The following ASH1L variants were observed in gnomAD, a reference collection of about 807,000 sequenced individuals.
ASH1L encodes histone-lysine N-methyltransferase ASH1L.
ASH1L carries 23 observed loss-of-function variants against 269.0 expected under a neutral mutation model. The observed-to-expected ratio is 0.09, with a 90% CI of 0.06 to 0.12. The LOEUF (loss-of-function observed/expected upper bound fraction) is 0.12, where lower values mean the gene tolerates loss of function less well. Among genes scored for constraint, ASH1L ranks in the 10% least tolerant of loss-of-function variants. ASH1L has a pLI of 1.00. For missense variants in ASH1L, 2,912 were observed against 3,567.8 expected, an observed-to-expected ratio of 0.82 and a Z score of 4.68; for synonymous variants, 1,187 against 1,253.5, an observed-to-expected ratio of 0.95 and a Z score of 1.12.
intron 2 of ASH1L, among the ~76,000 whole-genome samples, chr1:155,483,835 T>C (rs1376231053): frequency 1.3e-5 from 2 of 150,756 alleles, no homozygotes; most frequent in Non-Finnish European, 3.0e-5. Context: ...GTAGGAGGAG[T>C]AGGAAGAGAT....
chr1:155,398,176 C>T (rs564163270), intron 6 of ASH1L, among the ~76,000 whole-genome samples: 7 of 152,222 alleles, frequency 4.6e-5, no homozygotes, highest in South Asian at 2.1e-4. Flanking sequence ...CTCACTCAAA[C>T]GCAGATATAT....
chr1:155,395,426 C>T, intron 7 of ASH1L, 33 bp downstream of exon 7: 1 of 1,468,432 alleles, frequency 6.8e-7, no homozygotes, highest in African/African-American at 1.4e-5. Context: ...ACTGTTTCTT[C>T]TCAGCAATAC....
chr1:155,514,740 G>T (rs1571033130), intron 2 of ASH1L, among the ~76,000 whole-genome samples: 1 of 152,068 alleles, frequency 6.6e-6, no homozygotes, highest in African/African-American at 2.4e-5. Flanking sequence ...TGCAAAGGAG[G>T]TAAGAGCCTT....
intron 3 of ASH1L, among the ~76,000 whole-genome samples, chr1:155,468,097 T>C (rs926225480): frequency 1.3e-5 from 2 of 152,168 alleles, no homozygotes; most frequent in East Asian, 1.9e-4. Flanking sequence ...GGATATCACA[T>C]TGTATTTAGT....
At chr1:155,447,449 C>G (rs1327127559) in intron 4 of ASH1L, among the ~76,000 whole-genome samples, 11 of 152,048 alleles carry the variant, frequency 7.2e-5, no homozygotes, top group Admixed American at 6.6e-4. Context: ...AGGCTGGTCT[C>G]GAACTCCTGA....
At chr1:155,413,619 A>C (rs920674098) in intron 6 of ASH1L, among the ~76,000 whole-genome samples, 2 of 152,076 alleles carry the variant, frequency 1.3e-5, no homozygotes, top group Non-Finnish European at 2.9e-5. Flanking sequence ...ACAAACAAAC[A>C]AACCAGAAAA....
intron 3 of ASH1L, 71 bp downstream of exon 3, chr1:155,477,815 C>G: frequency 7.0e-7 from 1 of 1,430,874 alleles, no homozygotes; most frequent in Non-Finnish European, 9.3e-7. Flanking sequence ...AGTTCATCTA[C>G]ATTTATCAGG....
chr1:155,552,353 C>T (rs936693554), intron 1 of ASH1L, among the ~76,000 whole-genome samples: 10 of 152,012 alleles, frequency 6.6e-5, no homozygotes, highest in Non-Finnish European at 1.5e-4. Flanking sequence ...GTAATTCCAG[C>T]TACTCGGGAG....
chr1:155,549,624 CAAA>C (rs1043659273), intron 1 of ASH1L, among the ~76,000 whole-genome samples: 3 of 60,448 alleles, frequency 5.0e-5, no homozygotes, highest in Non-Finnish European at 3.7e-5. Context: ...GACTCAGTCT[CAAA>C]AAAAAAAAAA....
At chr1:155,489,192 T>C (rs1196267359) in intron 2 of ASH1L, among the ~76,000 whole-genome samples, 1 of 152,014 alleles carries the variant, frequency 6.6e-6, no homozygotes, top group African/African-American at 2.4e-5. Flanking sequence ...ATAAATAATA[T>C]GTGGGCGCGG....
chr1:155,537,474 G>C (rs1670134275), intron 1 of ASH1L, among the ~76,000 whole-genome samples: 1 of 152,104 alleles, frequency 6.6e-6, no homozygotes, highest in South Asian at 2.1e-4. Context: ...TGGGCAAACA[G>C]GCTTCGAAAC....
At chr1:155,527,044 CA>C (rs1347723615) in intron 1 of ASH1L, among the ~76,000 whole-genome samples, 3 of 151,964 alleles carry the variant, frequency 2.0e-5, no homozygotes, top group Non-Finnish European at 4.4e-5. Context: ...CCATCTCTAC[CA>C]AAAATATAAG....
intron 1 of ASH1L, among the ~76,000 whole-genome samples, chr1:155,553,516 T>A (rs997099801): frequency 3.9e-5 from 6 of 152,188 alleles, no homozygotes; most frequent in South Asian, 2.1e-4. Flanking sequence ...CAAATTACAG[T>A]GCACTCATCC....
chr1:155,552,290 A>T (rs1459662401), intron 1 of ASH1L, among the ~76,000 whole-genome samples: 1 of 151,704 alleles, frequency 6.6e-6, no homozygotes, highest in Non-Finnish European at 1.5e-5. Flanking sequence ...ACATGGTGAA[A>T]CCCCGTCTCT....
intron 3 of ASH1L, among the ~76,000 whole-genome samples, chr1:155,462,190 T>C (rs1426503281): frequency 6.6e-6 from 1 of 152,190 alleles, no homozygotes; most frequent in East Asian, 1.9e-4. Context: ...CTATGCTAGA[T>C]ATTGTGAAGG....
intron 11 of ASH1L, 46 bp downstream of exon 11, chr1:155,370,730 TC>T: frequency 6.2e-7 from 1 of 1,613,302 alleles, no homozygotes. Flanking sequence ...TCCATTCTAA[TC>T]TTATACCTTG....
intron 16 of ASH1L, among the ~76,000 whole-genome samples, chr1:155,353,715 C>T (rs1036780660): frequency 1.3e-5 from 2 of 151,998 alleles, no homozygotes; most frequent in Non-Finnish European, 2.9e-5. Context: ...GATAATGACC[C>T]GTCCCCCACT....
intron 13 of ASH1L, among the ~76,000 whole-genome samples, chr1:155,359,871 G>A (rs897878557): frequency 1.3e-5 from 2 of 151,316 alleles, no homozygotes; most frequent in South Asian, 4.2e-4. Context: ...AAGCCATTGC[G>A]CCTGACCTCC....
chr1:155,357,811 CTCAGGCTGAAGTACAATAGTATGA>C (rs1654548126), intron 13 of ASH1L, 62 bp from the exon 14 acceptor site: 1 of 1,472,892 alleles, frequency 6.8e-7, no homozygotes, highest in African/African-American at 1.4e-5. Flanking sequence ...TTTCCTGTCA[CTCAGGCTGAAGTACAATAGTATGA>C]TCATGGCTCA....
Sources: gnomAD v4.1 joint callset for allele counts (sites outside exome capture counted in the v4.1 genomes callset) on GRCh38, gnomAD v4.1.1 for gene constraint, MANE v1.5 for transcripts, NCBI Gene and HGNC (gene_info 2026-07-23, HGNC 2026-07-21) for gene names.